Variants in EP400 observed in about 807,000 individuals in gnomAD.
EP400 encodes the protein E1A-binding protein p400.
In EP400, 105 loss-of-function variants were observed where a neutral mutation model predicts 354.1. The observed-to-expected ratio is 0.30, with a 90% CI of 0.25 to 0.35. The LOEUF (loss-of-function observed/expected upper bound fraction) is 0.35. Among genes scored for constraint, EP400 ranks in the 10% least tolerant of loss-of-function variants. The pLI, the probability that EP400 is intolerant of heterozygous loss-of-function variation, is 1.00. For synonymous variants in EP400, 1,646 were observed against 1,716.9 expected (o/e 0.96, Z 1.02); for missense variants, 3,280 against 4,121.0 (o/e 0.80, Z 5.59).
chr12:132,030,778 TCAG>T (rs1894463047), intron 29 of EP400, among the ~76,000 whole-genome samples: 1 of 152,220 alleles, frequency 6.6e-6, no homozygotes, highest in African/African-American at 2.4e-5. Context: ...AAGTCAGTGT[TCAG>T]CAGAAGAGTG....
intron 19 of EP400, among the ~76,000 whole-genome samples, chr12:132,016,460 C>T (rs1566188433): frequency 1.3e-5 from 2 of 152,142 alleles, no homozygotes; most frequent in African/African-American, 4.8e-5. Flanking sequence ...CCTCTGCCTC[C>T]CAGGTTCAAG....
chr12:132,018,061 G>A lies in EP400; in HGVS notation c.4111-149G>A. Reference sequence around the variant, plus strand: ...AGGGTGTGGCAGCACCTGTGTATTGGCACGGAGGAGGGTCTGCTTGCCGAG... The same window carrying A: ...AGGGTGTGGCAGCACCTGTGTATTGACACGGAGGAGGGTCTGCTTGCCGAG... On this transcript the variant is annotated intron_variant, in intron 20 of 52. Coordinates refer to ENST00000389561, the MANE Select transcript of EP400 (RefSeq NM_015409.5). This position sits in a 1 kb window ranked among gnomAD's most constrained non-coding sequence, Gnocchi z 4.0. 1 of 931,252 alleles carries A rather than the reference G, an allele frequency of 1.1e-6. No homozygotes were observed. The highest frequency in any genetic ancestry group is 1.6e-5 in the South Asian group (1 of 64,448). 57.7% of individuals were successfully genotyped at this position (931,252 alleles called of 1,614,324 possible).
Position 132,056,425 on chromosome 12 carries a change from G to GCACACA in EP400, c.7884+1234_7884+1239dup, listed in dbSNP as rs10660680. On this transcript the variant is annotated intron_variant, in intron 45 of 52. Coordinates refer to ENST00000389561, the MANE Select transcript of EP400 (RefSeq NM_015409.5). Reference sequence around the variant, plus strand: ...TAGACCCCTCCCCAACACAACACACGCACACACACACACACACACACATTT... The same window carrying GCACACA: ...TAGACCCCTCCCCAACACAACACACGCACACACACACACACACACACACACACATTT... Among the ~76,000 whole-genome samples the GCACACA allele has an allele frequency of 1.7e-3, 260 of 148,610 alleles. 1 individual carries two copies. Among genetic ancestry groups the GCACACA allele is most frequent in the African/African-American group, 4.8e-3 (197 of 40,724 alleles).
intron 22 of EP400, 151 bp from the exon 23 acceptor site, chr12:132,020,928 A>C (rs552326710): frequency 7.5e-6 from 8 of 1,063,280 alleles, no homozygotes; most frequent in African/African-American, 6.5e-5. Flanking sequence ...CCTGTAAACT[A>C]TATGGCCCCT....
chr12:132,026,805 G>A (rs938165225), intron 25 of EP400, among the ~76,000 whole-genome samples: 5 of 152,120 alleles, frequency 3.3e-5, no homozygotes, highest in African/African-American at 4.8e-5. Context: ...TCCCTAAGGT[G>A]ACTCTTACCC....
Position 132,018,236 on chromosome 12 carries a change from C to T in EP400, c.4137C>T (p.Leu1379=), listed in dbSNP as rs776024830. 5 of 1,612,988 alleles carry T rather than the reference C, an allele frequency of 3.1e-6. No homozygotes were observed. Among genetic ancestry groups the T allele is most frequent in the Admixed American group, 1.7e-5 (1 of 59,622 alleles). Residue 1379 remains leucine (L), a synonymous_variant, in exon 21 of 53, where the codon CTC becomes CTT. Coordinates refer to ENST00000389561, the MANE Select transcript of EP400 (RefSeq NM_015409.5). This position sits in a 1 kb window ranked among gnomAD's most constrained non-coding sequence, Gnocchi z 4.0. The part of the protein sequence containing the change: ...WKEADLSMFD[L]IGLENKITRH... The stretch of plus-strand genomic sequence containing the variant: ...AAGCAGATCTTTCTATGTTTGATCT[C>T]ATCGGCTTAGAAAATAAAATCACTC...
chr12:132,064,837 G>C lies in EP400; in HGVS notation c.8504G>C (p.Gly2835Ala). The change falls in exon 48 of 53, where the codon GGT becomes GCT. Residue 2835 changes from glycine (G) to alanine (A), a missense_variant. Around this residue, in one of 20 missense-constraint regions of EP400, gnomAD observed 86 missense variants for 66.4 expected, o/e 1.29. Coordinates refer to ENST00000389561, the MANE Select transcript of EP400 (RefSeq NM_015409.5). ...ACGACGGTCACGGCCCCAAGGCCTGGTGCCCTGCTGACGGGCACCACCGTG... is the reference window on the plus strand; with the variant it reads ...ACGACGGTCACGGCCCCAAGGCCTGCTGCCCTGCTGACGGGCACCACCGTG... ...QLTTVTAPRP[G>A]ALLTGTTVAN... 4 of 1,612,174 alleles carry C rather than the reference G, an allele frequency of 2.5e-6. No individual in the cohort carries two copies. The highest frequency in any genetic ancestry group is 1.7e-4 in the Middle Eastern group (1 of 5,932).
intron 48 of EP400, chr12:132,066,540 G>A: frequency 1.9e-6 from 1 of 516,130 alleles, no homozygotes. Flanking sequence ...GAACGCAGCA[G>A]CATGTGTGAT....
intron 13 of EP400, among the ~76,000 whole-genome samples, chr12:132,005,645 C>T (rs1189064048): frequency 6.6e-6 from 1 of 152,166 alleles, no homozygotes; most frequent in Non-Finnish European, 1.5e-5. Flanking sequence ...CCACAGGAGC[C>T]TTGGGGAGGT....
Position 131,979,810 on chromosome 12 carries a change from A to G in EP400, c.1435+17A>G. 1.3e-6 allele frequency: 2 copies of G among 1,584,050 alleles called. No individual in the cohort carries two copies. The highest frequency in any genetic ancestry group is 1.2e-5 in the South Asian group (1 of 86,336). On this transcript the variant is annotated intron_variant, in intron 3 of 52. Transcript: ENST00000389561. ...GTATGGCAGGTACGTCGGCACGGCT[A>G]GCGTGGCCTCGGGAATGCCCCCCTC...
At chr12:131,953,468 A>C (rs1891589839) in intron 1 of EP400, among the ~76,000 whole-genome samples, 1 of 152,190 alleles carries the variant, frequency 6.6e-6, no homozygotes, top group South Asian at 2.1e-4. Context: ...TAGCCTGTTA[A>C]ATGGAAGGGA....
At chr12:132,021,560 A>G (rs1169235044) in intron 23 of EP400, among the ~76,000 whole-genome samples, 1 of 152,208 alleles carries the variant, frequency 6.6e-6, no homozygotes, top group Non-Finnish European at 1.5e-5. Context: ...CCCGCCATCC[A>G]GCTCTGCTTT....
intron 5 of EP400, among the ~76,000 whole-genome samples, chr12:131,984,652 G>C (rs1049190412): frequency 2.6e-5 from 4 of 151,934 alleles, no homozygotes; most frequent in Admixed American, 6.6e-5. Flanking sequence ...TAATTTACCT[G>C]CCTGTGTTAC....
At chr12:132,043,908 A>T (rs1012535458) in intron 34 of EP400, among the ~76,000 whole-genome samples, 180 bp downstream of exon 34, 4 of 151,842 alleles carry the variant, frequency 2.6e-5, no homozygotes, top group African/African-American at 9.7e-5. Context: ...GAGCTTGTTC[A>T]CCCCCACGTA....
intron 3 of EP400, among the ~76,000 whole-genome samples, chr12:131,980,637 C>A (rs1046913018): frequency 6.6e-6 from 1 of 152,150 alleles, no homozygotes; most frequent in African/African-American, 2.4e-5. Flanking sequence ...CCTCTACCTC[C>A]CAGGCTTGAG....
chr12:132,043,868 G>A, intron 34 of EP400, 140 bp downstream of exon 34: 3 of 851,448 alleles, frequency 3.5e-6, no homozygotes, highest in East Asian at 5.3e-5. Flanking sequence ...TTAAAATGAA[G>A]AGAGTCTCGA....
chr12:132,005,874 C>G (rs901367303), intron 13 of EP400, among the ~76,000 whole-genome samples: 6 of 152,172 alleles, frequency 3.9e-5, no homozygotes, highest in African/African-American at 1.4e-4. Flanking sequence ...CTATTTGGGG[C>G]AAATTATACT....
chr12:131,995,618 G>A (rs1893183231), intron 12 of EP400, among the ~76,000 whole-genome samples: 1 of 146,888 alleles, frequency 6.8e-6, no homozygotes, highest in Non-Finnish European at 1.5e-5. Flanking sequence ...TCACGTGAAT[G>A]AATCCACCAC....
In EP400 at chr12:132,067,926, T is replaced by C. The variant is rs1895947768; in HGVS notation, c.8874+440T>C. ...AGACAGGGAATGTGGCCTCTGTGCA[T>C]GTTGGTGGTGAAAGGGGAGATAAAC... On this transcript the variant is annotated intron_variant, in intron 50 of 52. Coordinates refer to ENST00000389561, the MANE Select transcript of EP400 (RefSeq NM_015409.5). This position sits in a 1 kb window ranked among gnomAD's most constrained non-coding sequence, Gnocchi z 5.3. 6.6e-6 allele frequency among the ~76,000 whole-genome samples: 1 copy of C among 151,964 alleles called. No homozygotes were observed. The highest frequency in any genetic ancestry group is 1.5e-5 in the Non-Finnish European group (1 of 67,972).
Sources: allele counts gnomAD v4.1 joint callset (sites outside exome capture counted in the v4.1 genomes callset), GRCh38; gene constraint gnomAD v4.1.1; regional missense constraint gnomAD v4.1.1; non-coding constraint Gnocchi (gnomAD v3.1); transcripts MANE v1.5; gene names NCBI Gene and HGNC (gene_info 2026-07-23, HGNC 2026-07-21).